SORCS1: variants seen among roughly 807,000 people sequenced by gnomAD.
SORCS1 encodes sortilin related VPS10 domain containing receptor 1, also known as VPS10 domain-containing receptor SorCS1.
In SORCS1, 60 loss-of-function variants were observed where a neutral mutation model predicts 146.1. The observed-to-expected ratio is 0.41, with a 90% CI of 0.33 to 0.51. SORCS1 has a LOEUF of 0.51. Among genes scored for constraint, SORCS1 ranks in the 20% least tolerant of loss-of-function variants. SORCS1 has a pLI of 0.21. For missense variants in SORCS1, 1,352 were observed against 1,487.6 expected, an observed-to-expected ratio of 0.91 and a Z score of 1.50; for synonymous variants, 637 against 584.0, an observed-to-expected ratio of 1.09 and a Z score of -1.31.
intron 1 of SORCS1, among the ~76,000 whole-genome samples, chr10:106,974,833 A>T (rs772174850): frequency 3.3e-5 from 5 of 152,232 alleles, no homozygotes; most frequent in Non-Finnish European, 5.9e-5. Flanking sequence ...ATGCAATCCA[A>T]GGTTTTGTTA....
intron 10 of SORCS1, among the ~76,000 whole-genome samples, chr10:106,683,681 C>A (rs149072901): frequency 3.2e-4 from 49 of 152,278 alleles, no homozygotes; most frequent in Admixed American, 2.6e-3. Context: ...TTCATGGTAC[C>A]TTTATCTCCA....
At chr10:106,899,854 G>A (rs1951634519) in intron 2 of SORCS1, among the ~76,000 whole-genome samples, 1 of 151,918 alleles carries the variant, frequency 6.6e-6, no homozygotes, top group African/African-American at 2.4e-5. Flanking sequence ...CAAGTATACA[G>A]GGTTACATGT....
At chr10:106,876,271 T>C (rs1438547061) in intron 2 of SORCS1, among the ~76,000 whole-genome samples, 4 of 152,226 alleles carry the variant, frequency 2.6e-5, no homozygotes, top group Admixed American at 1.3e-4. Context: ...TGCTTTATTA[T>C]TGTTTGCTTC....
At chr10:107,094,501 G>A (rs1177973575) in intron 1 of SORCS1, among the ~76,000 whole-genome samples, 2 of 152,130 alleles carry the variant, frequency 1.3e-5, no homozygotes, top group Admixed American at 6.5e-5. Context: ...TTGCAAAAAA[G>A]GGGGAATGAC....
intron 1 of SORCS1, among the ~76,000 whole-genome samples, chr10:107,046,213 G>A (rs1474807454): frequency 6.6e-6 from 1 of 152,012 alleles, no homozygotes; most frequent in African/African-American, 2.4e-5. Flanking sequence ...CAAAGTGCTG[G>A]AGTTGCAATC....
intron 1 of SORCS1, among the ~76,000 whole-genome samples, chr10:107,030,250 T>C (rs1378888393): frequency 6.6e-6 from 1 of 152,174 alleles, no homozygotes; most frequent in African/African-American, 2.4e-5. Flanking sequence ...GTAACAGCTG[T>C]CATTTATTGA....
chr10:106,956,520 G>A lies in SORCS1; in HGVS notation c.619C>T (p.Leu207Phe). Reference sequence around the variant, plus strand: ...CTCCATTTATCTACATACCTCCAAAGCGAGCTCTCTGTGATGCTCCCCAGG... The same window carrying A: ...CTCCATTTATCTACATACCTCCAAAACGAGCTCTCTGTGATGCTCCCCAGG... ...YNLGSITESS[L>F]WRSTDYGTTY... Residue 207 changes from leucine (L) to phenylalanine (F), a missense_variant, in exon 2 of 26, where the codon CTT (leucine) becomes TTT (phenylalanine). Transcript: ENST00000263054. The A allele has an allele frequency of 6.2e-7, 1 of 1,613,994 alleles. No individual in the cohort carries two copies. Among genetic ancestry groups the A allele is most frequent in the Non-Finnish European group, 8.5e-7 (1 of 1,179,884 alleles).
chr10:107,110,017 C>T (rs545272742), intron 1 of SORCS1, among the ~76,000 whole-genome samples: 1 of 152,322 alleles, frequency 6.6e-6, no homozygotes, highest in East Asian at 1.9e-4. Context: ...AACAAGGGTT[C>T]AGTTTCTTTG....
At chr10:107,066,262 T>C (rs886113417) in intron 1 of SORCS1, among the ~76,000 whole-genome samples, 1 of 152,200 alleles carries the variant, frequency 6.6e-6, no homozygotes, top group African/African-American at 2.4e-5. Context: ...ATTCATGAAA[T>C]ATCTTCTACA....
intron 24 of SORCS1, among the ~76,000 whole-genome samples, chr10:106,586,441 T>C (rs907631404): frequency 6.6e-6 from 1 of 152,086 alleles, no homozygotes; most frequent in African/African-American, 2.4e-5. Context: ...TAATTTCTCT[T>C]GACTATCTGC....
chr10:106,999,060 A>G (rs1240941111), intron 1 of SORCS1, among the ~76,000 whole-genome samples: 1 of 152,192 alleles, frequency 6.6e-6, no homozygotes, highest in Non-Finnish European at 1.5e-5. Flanking sequence ...AAAGTACCAC[A>G]TTTTGCCAAA....
chr10:106,987,638 T>C (rs1371217506), intron 1 of SORCS1, among the ~76,000 whole-genome samples: 1 of 152,198 alleles, frequency 6.6e-6, no homozygotes, highest in Non-Finnish European at 1.5e-5. Context: ...TTCTCCTCTT[T>C]CATGGATTAA....
chr10:107,143,326 GT>G (rs1396165951), intron 1 of SORCS1, among the ~76,000 whole-genome samples: 2 of 151,966 alleles, frequency 1.3e-5, no homozygotes, highest in Non-Finnish European at 2.9e-5. Context: ...CTCTTATTTT[GT>G]TTTGTTGTTT....
intron 1 of SORCS1, among the ~76,000 whole-genome samples, chr10:106,959,715 A>G (rs747276330): frequency 1.3e-5 from 2 of 152,140 alleles, no homozygotes; most frequent in Non-Finnish European, 2.9e-5. Context: ...GTCTCGCTCT[A>G]TTGCTCAGTC....
chr10:106,970,817 C>A (rs1955746019), intron 1 of SORCS1, among the ~76,000 whole-genome samples: 1 of 151,984 alleles, frequency 6.6e-6, no homozygotes, highest in Non-Finnish European at 1.5e-5. Context: ...CAGCTCACTG[C>A]AGCCTCCAAC....
chr10:106,600,565 A>AT, intron 23 of SORCS1: 1 of 985,210 alleles, frequency 1.0e-6, no homozygotes, highest in Admixed American at 6.2e-5. Flanking sequence ...TTTATCCTGT[A>AT]TTTTTTCAAA....
intron 5 of SORCS1, 25 bp downstream of exon 5, chr10:106,761,563 T>C: frequency 6.3e-7 from 1 of 1,599,844 alleles, no homozygotes; most frequent in Non-Finnish European, 8.6e-7. Context: ...TATCTTAATG[T>C]GCTACAAGAT....
At chr10:107,023,443 C>T (rs796081326) in intron 1 of SORCS1, among the ~76,000 whole-genome samples, 9 of 152,066 alleles carry the variant, frequency 5.9e-5, no homozygotes, top group African/African-American at 1.4e-4. Flanking sequence ...CAATATATAC[C>T]CTTATTTTTC....
At chr10:107,016,063 T>C (rs928490816) in intron 1 of SORCS1, among the ~76,000 whole-genome samples, 1 of 152,198 alleles carries the variant, frequency 6.6e-6, no homozygotes. Context: ...GGTTTAAGAA[T>C]GTCATAAATA....
Sources: allele counts gnomAD v4.1 joint callset (sites outside exome capture counted in the v4.1 genomes callset), GRCh38; gene constraint gnomAD v4.1.1; transcripts MANE v1.5; gene names NCBI Gene and HGNC (gene_info 2026-07-23, HGNC 2026-07-21).